The following IL22RA2 variants were observed in gnomAD, a reference collection of about 807,000 sequenced individuals.
IL22RA2 encodes interleukin 22 receptor subunit alpha 2, also known as interleukin-22 receptor subunit alpha-2.
Under a neutral mutation model 30.7 loss-of-function variants are expected in IL22RA2, and 39 were observed. The observed-to-expected ratio is 1.27, with a 90% CI of 0.98 to 1.66. The LOEUF is 1.66. Ranked by LOEUF, IL22RA2 falls within the 40% of genes most tolerant of loss-of-function variation. IL22RA2 has a pLI of 0.00. For missense variants in IL22RA2, 315 were observed against 312.7 expected, an observed-to-expected ratio of 1.01 and a Z score of -0.05; for synonymous variants, 103 against 105.0, an observed-to-expected ratio of 0.98 and a Z score of 0.11.
chr6:137,152,926 T>C (rs893813428), intron 5 of IL22RA2, among the ~76,000 whole-genome samples: 3 of 152,118 alleles, frequency 2.0e-5, no homozygotes, highest in African/African-American at 7.2e-5. Flanking sequence ...GTTGAACCCC[T>C]AGTATAGTGC....
At chr6:137,172,441 C>T (rs1416234816) in intron 1 of IL22RA2, among the ~76,000 whole-genome samples, 1 of 152,236 alleles carries the variant, frequency 6.6e-6, no homozygotes, top group Admixed American at 6.5e-5. Context: ...TAAAAGCCAA[C>T]ACTGTCAACA....
At chr6:137,153,061 T>G (rs1778323208) in intron 5 of IL22RA2, among the ~76,000 whole-genome samples, 1 of 152,194 alleles carries the variant, frequency 6.6e-6, no homozygotes, top group Non-Finnish European at 1.5e-5. Flanking sequence ...AGATTCTGGT[T>G]ACAGATTTTG....
chr6:137,158,492 T>C lies in IL22RA2; in HGVS notation c.62-10A>G, dbSNP rs28362851. The C allele has an allele frequency of 0.044, 71,080 of 1,613,490 alleles. 1,793 individuals carry two copies. The highest frequency in any genetic ancestry group is 0.068 in the Middle Eastern group (412 of 6,058). On this transcript the variant is annotated splice_polypyrimidine_tract_variant and intron_variant, in intron 2 of 6. Transcript: ENST00000296980. ...TGCGTTGACTGAGTTCCTAAGATAA[T>C]AAGAGAAGGAAGAACATTGAACGTT...
intron 1 of IL22RA2, among the ~76,000 whole-genome samples, chr6:137,162,101 T>C (rs868866769): frequency 6.6e-6 from 1 of 152,022 alleles, no homozygotes; most frequent in Non-Finnish European, 1.5e-5. Context: ...GGCAAGCAGG[T>C]GAGTGAATGA....
At chr6:137,171,541 G>C (rs1419506557) in intron 1 of IL22RA2, among the ~76,000 whole-genome samples, 2 of 152,176 alleles carry the variant, frequency 1.3e-5, no homozygotes, top group African/African-American at 4.8e-5. Flanking sequence ...TCTGCATACA[G>C]ACAGGAGCAG....
chr6:137,147,104 C>A (rs569059714), intron 6 of IL22RA2, among the ~76,000 whole-genome samples: 8 of 141,034 alleles, frequency 5.7e-5, no homozygotes, highest in Non-Finnish European at 1.2e-4. Context: ...AATCCCAGCA[C>A]TTTGGGAGGC....
At chr6:137,148,104 T>C (rs1392164158) in intron 5 of IL22RA2, among the ~76,000 whole-genome samples, 1 of 152,136 alleles carries the variant, frequency 6.6e-6, no homozygotes, top group African/African-American at 2.4e-5. Context: ...AAATTGCATA[T>C]GTATTTGAAT....
At chr6:137,163,186 G>C (rs1003765162) in intron 1 of IL22RA2, among the ~76,000 whole-genome samples, 1 of 152,196 alleles carries the variant, frequency 6.6e-6, no homozygotes, top group South Asian at 2.1e-4. Context: ...TGCTGCCTTT[G>C]TTTCTTGCTT....
intron 5 of IL22RA2, among the ~76,000 whole-genome samples, chr6:137,154,646 A>AC (rs1778359832): frequency 7.2e-6 from 1 of 139,254 alleles, no homozygotes; most frequent in Admixed American, 7.0e-5. Flanking sequence ...CACACACACA[A>AC]GGTGACAAAT....
intron 6 of IL22RA2, among the ~76,000 whole-genome samples, chr6:137,146,189 G>A (rs906342044): frequency 2.0e-5 from 3 of 151,924 alleles, no homozygotes; most frequent in Non-Finnish European, 4.4e-5. Flanking sequence ...ATACCACCAC[G>A]CCTGGCTAAT....
intron 5 of IL22RA2, among the ~76,000 whole-genome samples, chr6:137,152,750 G>A (rs1778315803): frequency 6.6e-6 from 1 of 152,192 alleles, no homozygotes; most frequent in Non-Finnish European, 1.5e-5. Flanking sequence ...AATCTAAGTG[G>A]ATGCAGTGAC....
Position 137,156,705 on chromosome 6 carries a change from G to A in IL22RA2, c.293+54C>T, listed in dbSNP as rs906068943. Reference sequence around the variant, plus strand: ...TTTATACAATCTTGGTCCATTTAATGTTTCTATAACAGAACACCTGAGGCT... The same window carrying A: ...TTTATACAATCTTGGTCCATTTAATATTTCTATAACAGAACACCTGAGGCT... On this transcript the variant is annotated intron_variant, in intron 4 of 6. Coordinates refer to ENST00000296980, the MANE Select transcript of IL22RA2 (RefSeq NM_052962.3). 1.3e-5 allele frequency: 20 copies of A among 1,582,282 alleles called. No individual in the cohort carries two copies. The African/African-American group carries it at 2.4e-4, about 19-fold the overall frequency.
chr6:137,152,554 A>G (rs1393434808), intron 5 of IL22RA2, among the ~76,000 whole-genome samples: 1 of 152,174 alleles, frequency 6.6e-6, no homozygotes, highest in Admixed American at 6.6e-5. Flanking sequence ...GGCTAAGGGA[A>G]TGGTGAGACT....
intron 4 of IL22RA2, among the ~76,000 whole-genome samples, chr6:137,156,339 T>C (rs13206587): frequency 6.6e-6 from 1 of 152,178 alleles, no homozygotes; most frequent in Non-Finnish European, 1.5e-5. Flanking sequence ...TCTAGACACA[T>C]AATAAGGAAG....
At chr6:137,172,872 AT>A (rs936335140) in intron 1 of IL22RA2, among the ~76,000 whole-genome samples, 6 of 150,586 alleles carry the variant, frequency 4.0e-5, no homozygotes, top group Non-Finnish European at 5.9e-5. Flanking sequence ...TATTATTTTT[AT>A]TTTTTTTTAG....
intron 5 of IL22RA2, among the ~76,000 whole-genome samples, chr6:137,154,700 C>T (rs1220575024): frequency 6.6e-6 from 1 of 152,016 alleles, no homozygotes; most frequent in Non-Finnish European, 1.5e-5. Context: ...AAATTTGAAC[C>T]CTGACTTGGA....
At chr6:137,168,451 T>C (rs749604305) in intron 1 of IL22RA2, among the ~76,000 whole-genome samples, 3 of 152,154 alleles carry the variant, frequency 2.0e-5, no homozygotes, top group Admixed American at 2.0e-4. Context: ...CCCGTCTCCA[T>C]ATATTTTGAT....
At chr6:137,145,893 T>C (rs1778169783) in intron 6 of IL22RA2, 120 bp from the exon 7 acceptor site, 1 of 1,011,268 alleles carries the variant, frequency 9.9e-7, no homozygotes, top group Admixed American at 2.2e-5. Context: ...TGGGGTTTCT[T>C]CCCAGACACA....
intron 5 of IL22RA2, among the ~76,000 whole-genome samples, chr6:137,148,254 T>A (rs1198155072): frequency 1.3e-5 from 2 of 151,212 alleles, no homozygotes; most frequent in Non-Finnish European, 3.0e-5. Context: ...TGGTTTTGGG[T>A]TTTTTTTTGA....
Sources: gnomAD v4.1 joint callset for allele counts (sites outside exome capture counted in the v4.1 genomes callset) on GRCh38, gnomAD v4.1.1 for gene constraint, MANE v1.5 for transcripts, NCBI Gene and HGNC (gene_info 2026-07-23, HGNC 2026-07-21) for gene names.